The following SMC6 variants were observed in gnomAD, a reference collection of about 807,000 sequenced individuals.
SMC6 encodes the protein structural maintenance of chromosomes protein 6.
A neutral mutation model predicts 142.2 loss-of-function variants in SMC6; 79 were observed. The ratio of observed to expected loss-of-function variants is 0.56; its 90% CI spans 0.46 to 0.67. SMC6 has a LOEUF of 0.67. Among genes scored for constraint, SMC6 ranks in the 30% least tolerant of loss-of-function variants. The probability of loss-of-function intolerance (pLI) is 0.00; values close to 1 mark genes in which losing one functional copy is unlikely to be tolerated. For synonymous variants in SMC6, 411 were observed against 412.4 expected (o/e 1.00, Z 0.04); for missense variants, 1,072 against 1,284.0 (o/e 0.83, Z 2.52).
At chr2:17,747,167 GTTAC>G (rs1670794260) in intron 2 of SMC6, among the ~76,000 whole-genome samples, 1 of 152,258 alleles carries the variant, frequency 6.6e-6, no homozygotes, top group African/African-American at 2.4e-5. Flanking sequence ...GTAATACGGT[GTTAC>G]TTACTCCTTC....
rs1275220298 is a variant in SMC6, at chr2:17,664,505, A to C, written c.*994T>G. On this transcript the variant is annotated 3_prime_UTR_variant, in exon 28 of 28. Coordinates refer to ENST00000448223, the MANE Select transcript of SMC6 (RefSeq NM_001142286.2). ...GCTTCTTGATATCCAATACATTCTT[A>C]AAAAGTTTAGCATGAATCCTAGTAT... 1 of 152,242 alleles carries C rather than the reference A, an allele frequency of 6.6e-6. No individual in the cohort carries two copies. The highest frequency in any genetic ancestry group is 1.5e-5 in the Non-Finnish European group (1 of 68,038). 9.4% of individuals were successfully genotyped at this position (152,242 alleles called of 1,614,324 possible).
chr2:17,716,584 C>T (rs563186135), intron 14 of SMC6, among the ~76,000 whole-genome samples, 157 bp downstream of exon 14: 81 of 152,154 alleles, frequency 5.3e-4, no homozygotes, highest in Non-Finnish European at 9.9e-4. Flanking sequence ...ATGAGTTAGC[C>T]CTGCTCTGCA....
chr2:17,706,462 T>A (rs75799122), intron 18 of SMC6, among the ~76,000 whole-genome samples: 1 of 152,130 alleles, frequency 6.6e-6, no homozygotes, highest in Non-Finnish European at 1.5e-5. Flanking sequence ...AGAAGAAATC[T>A]ATTTCAACAA....
chr2:17,689,862 A>C (rs1438454099), intron 23 of SMC6, among the ~76,000 whole-genome samples: 1 of 152,202 alleles, frequency 6.6e-6, no homozygotes, highest in Non-Finnish European at 1.5e-5. Context: ...ATTAGTTTTT[A>C]CTATTGTGTT....
At chr2:17,743,443 G>C (rs975968871) in intron 3 of SMC6, among the ~76,000 whole-genome samples, 1 of 152,072 alleles carries the variant, frequency 6.6e-6, no homozygotes, top group East Asian at 1.9e-4. Context: ...TTTTTTAAGA[G>C]TAGTTTTAGG....
intron 9 of SMC6, among the ~76,000 whole-genome samples, chr2:17,722,240 C>T (rs1299806428): frequency 6.6e-6 from 1 of 152,132 alleles, no homozygotes; most frequent in Non-Finnish European, 1.5e-5. Context: ...CCTCAACAAT[C>T]TACAAATCTA....
At chr2:17,671,928 T>C (rs910204445) in intron 25 of SMC6, among the ~76,000 whole-genome samples, 4 of 152,086 alleles carry the variant, frequency 2.6e-5, no homozygotes, top group Non-Finnish European at 5.9e-5. Flanking sequence ...ATAGCAGACA[T>C]ATAGCTTCCA....
chr2:17,695,050 T>G lies in SMC6; in HGVS notation c.2678+102A>C, dbSNP rs993490948. ...CTTCAGCTATAACTATTTGCTATAG[T>G]AACACTTCATTCAAATTTAAGACAT... On this transcript the variant is annotated intron_variant, in intron 23 of 27. Transcript: ENST00000448223. The G allele has an allele frequency of 2.0e-5, 26 of 1,296,596 alleles. 1 individual carries two copies. In the South Asian group the frequency reaches 3.1e-4, roughly 16 times the overall value. The allele number at this position is 1,296,596 out of a possible 1,614,324, so 80.3% of individuals were successfully genotyped here. A position where few individuals can be genotyped will look rare whatever the true frequency, so the allele number is the denominator to read the frequency against.
At chr2:17,717,560 A>G (rs1030252450) in intron 12 of SMC6, among the ~76,000 whole-genome samples, 1 of 152,196 alleles carries the variant, frequency 6.6e-6, no homozygotes, top group Non-Finnish European at 1.5e-5. Flanking sequence ...AGTCCCAGGT[A>G]CTCAGGAGAC....
Position 17,695,647 on chromosome 2 carries a change from C to T in SMC6, c.2533-350G>A, listed in dbSNP as rs188999985. 8.2e-3 allele frequency among the ~76,000 whole-genome samples: 1,244 copies of T among 152,180 alleles called. 9 individuals carry two copies. The highest frequency in any genetic ancestry group is 0.012 in the Non-Finnish European group (819 of 68,008). On this transcript the variant is annotated intron_variant, in intron 22 of 27. Coordinates refer to ENST00000448223, the MANE Select transcript of SMC6 (RefSeq NM_001142286.2). ...ATCCTTTAGGGTTGACTCTGAGCAC[C>T]AATGGTATTAAAAACACAAACAAAG...
intron 25 of SMC6, among the ~76,000 whole-genome samples, chr2:17,678,525 T>A (rs1311717039): frequency 6.6e-6 from 1 of 151,308 alleles, no homozygotes; most frequent in Non-Finnish European, 1.5e-5. Flanking sequence ...CCCAGCACTT[T>A]GGGAGGCCAA....
chr2:17,751,036 C>T (rs903860604), intron 2 of SMC6, among the ~76,000 whole-genome samples: 8 of 143,344 alleles, frequency 5.6e-5, no homozygotes, highest in African/African-American at 1.8e-4. Flanking sequence ...AAAAGATTCT[C>T]TAATGTTACT....
chr2:17,741,381 AAC>A (rs1166611631), intron 4 of SMC6, among the ~76,000 whole-genome samples: 2 of 152,252 alleles, frequency 1.3e-5, no homozygotes, highest in Non-Finnish European at 2.9e-5. Flanking sequence ...ATAGATTAAA[AAC>A]ATAAGCAGGA....
chr2:17,732,277 C>T (rs1181742092), intron 5 of SMC6, among the ~76,000 whole-genome samples: 1 of 151,854 alleles, frequency 6.6e-6, no homozygotes, highest in South Asian at 2.1e-4. Context: ...TGACAGTAGG[C>T]CTTTAAAGAA....
At chr2:17,696,196 T>G in intron 22 of SMC6, 93 bp downstream of exon 22, 1 of 1,468,684 alleles carries the variant, frequency 6.8e-7, no homozygotes, top group Admixed American at 2.4e-5. Flanking sequence ...AGACAACTTT[T>G]CTGTTTTTAG....
At chr2:17,746,530 T>C (rs556359497) in intron 2 of SMC6, 2 of 152,314 alleles carry the variant, frequency 1.3e-5, no homozygotes, top group African/African-American at 4.8e-5. Context: ...TAAGTTGTTT[T>C]CCCAAAGAAT....
chr2:17,714,660 A>G (rs1435355559), intron 16 of SMC6, among the ~76,000 whole-genome samples: 1 of 152,188 alleles, frequency 6.6e-6, no homozygotes, highest in East Asian at 1.9e-4. Flanking sequence ...TCTCCCACAT[A>G]TAAGAACTTC....
rs191862200 is a variant in SMC6, at chr2:17,736,930, T to A, written c.344+1291A>T. ...AGTAAATAATAATAATTAAAAAAAATTTTTAAATATAATGAACTGAAATAG... is the reference window on the plus strand; with the variant it reads ...AGTAAATAATAATAATTAAAAAAAAATTTTAAATATAATGAACTGAAATAG... On this transcript the variant is annotated intron_variant, in intron 5 of 27. Coordinates refer to ENST00000448223, the MANE Select transcript of SMC6 (RefSeq NM_001142286.2). Among the ~76,000 whole-genome samples, 353 of 152,012 alleles carry A rather than the reference T, an allele frequency of 2.3e-3. 2 individuals carry two copies. The highest frequency in any genetic ancestry group is 7.0e-3 in the African/African-American group (292 of 41,470).
At chr2:17,710,963 G>A (rs112149804) in intron 16 of SMC6, among the ~76,000 whole-genome samples, 145 of 152,236 alleles carry the variant, frequency 9.5e-4, no homozygotes, top group Non-Finnish European at 1.6e-3. Flanking sequence ...AAAGAATAGG[G>A]TATGGGTGCT....
Sources: gnomAD v4.1 joint callset for allele counts (sites outside exome capture counted in the v4.1 genomes callset) on GRCh38, gnomAD v4.1.1 for gene constraint, MANE v1.5 for transcripts, NCBI Gene and HGNC (gene_info 2026-07-23, HGNC 2026-07-21) for gene names.